The following TOP1MT variants were observed in gnomAD, a reference collection of about 807,000 sequenced individuals.
The protein encoded by TOP1MT is DNA topoisomerase I, mitochondrial.
A neutral mutation model predicts 73.9 loss-of-function variants in TOP1MT; 80 were observed. The ratio of observed to expected loss-of-function variants is 1.08; its 90% CI spans 0.90 to 1.30. TOP1MT has a LOEUF of 1.30. Among genes scored for constraint, TOP1MT ranks in the 50% most tolerant of loss-of-function variants. The pLI is 0.00. For missense variants in TOP1MT, 815 were observed against 808.0 expected (o/e 1.01, Z -0.10); for synonymous variants, 338 against 326.4 (o/e 1.04, Z -0.38).
intron 1 of TOP1MT, among the ~76,000 whole-genome samples, chr8:143,354,643 C>T (rs142147459): frequency 0.022 from 3,261 of 151,238 alleles, 126 homozygotes; most frequent in African/African-American, 0.076. Context: ...ACCTGGGAGG[C>T]GGAGGTTGCG....
At position 143,315,707 on chromosome 8, in the gene TOP1MT, C is replaced by T. The variant is rs1055154038; in HGVS notation, c.1553+20G>A. 6.2e-7 allele frequency: 1 copy of T among 1,609,718 alleles called. No individual in the cohort carries two copies. The highest frequency in any genetic ancestry group is 1.3e-5 in the African/African-American group (1 of 74,870). On this transcript the variant is annotated intron_variant, in intron 12 of 13. Coordinates refer to ENST00000329245, the MANE Select transcript of TOP1MT (RefSeq NM_052963.3). ...GGGACAGGGCCCCGGGAGAAGGCGT[C>T]TGAGGGCACGGGTACTCACCTCCTG...
At position 143,322,567 on chromosome 8, in the gene TOP1MT, A is replaced by ATG. The variant is rs1563759575; in HGVS notation, c.961-1182_961-1181insCA. On this transcript the variant is annotated intron_variant, in intron 7 of 13. Transcript: ENST00000329245. ...CCACACACACGCACGCCACACACAG[A>ATG]CACGCCACACACATGCACGCCACAC... 5.6e-3 allele frequency among the ~76,000 whole-genome samples: 611 copies of ATG among 108,430 alleles called. 19 individuals carry two copies. The highest frequency in any genetic ancestry group is 0.023 in the African/African-American group (587 of 26,022). The allele number at this position is 108,430 out of a possible 152,430, so 71.1% of individuals were successfully genotyped here. A position where few individuals can be genotyped will look rare whatever the true frequency, so the allele number is the denominator to read the frequency against.
At chr8:143,348,607 G>C (rs972582245), upstream of TOP1MT, among the ~76,000 whole-genome samples, 1 of 101,502 alleles carries the variant, frequency 9.9e-6, no homozygotes, top group Admixed American at 8.8e-5. This position sits in a 1 kb window ranked among gnomAD's most constrained non-coding sequence, Gnocchi z 4.6. Context: ...GCTGGGGGGT[G>C]GGGGGGGGTG....
At chr8:143,331,634 C>T (rs1035055545) in intron 1 of TOP1MT, 4 of 303,288 alleles carry the variant, frequency 1.3e-5, no homozygotes, top group African/African-American at 6.3e-5. Flanking sequence ...GGAAAGGCAA[C>T]GTGCCTCTCC....
At chr8:143,347,357 A>G (rs573476350), upstream of TOP1MT, among the ~76,000 whole-genome samples, 218 of 152,168 alleles carry the variant, frequency 1.4e-3, no homozygotes, top group Non-Finnish European at 1.7e-3. Context: ...GGGTTTCACC[A>G]TGTTAGCCAG....
rs1816341634 is a variant in TOP1MT at position 143,321,364 on chromosome 8, T to C, written c.983A>G (p.Glu328Gly). Residue 328 changes from glutamate (E) to glycine (G), a missense_variant, in exon 8 of 14, where the codon GAG (glutamate) becomes GGG (glycine). By Grantham distance (98) the Glu-to-Gly change is moderately conservative (BLOSUM62 -2). This residue lies in a region of TOP1MT where 751 missense variants were observed against 725.4 expected (regional missense o/e 1.04). Coordinates refer to ENST00000329245, the MANE Select transcript of TOP1MT (RefSeq NM_052963.3). Reference protein sequence around the residue: ...IDKLALRAGNEKEDGEAADTV... With the variant: ...IDKLALRAGNGKEDGEAADTV... ...GTCGGCCGCCTCACCGTCCTCCTTC[T>C]CATTTCCTGCTCTCAGTGCCAGCTA... 6.3e-7 allele frequency: 1 copy of C among 1,591,866 alleles called. No homozygotes were observed. The highest frequency in any genetic ancestry group is 1.1e-5 in the South Asian group (1 of 89,944).
At chr8:143,334,674 C>T in intron 1 of TOP1MT, 66 bp downstream of exon 1, 1 of 1,579,926 alleles carries the variant, frequency 6.3e-7, no homozygotes, top group South Asian at 1.1e-5. Flanking sequence ...CCTGCCACTC[C>T]CCTTTCTGGA....
At chr8:143,339,697 G>A (rs560174738), upstream of TOP1MT, among the ~76,000 whole-genome samples, 4 of 152,206 alleles carry the variant, frequency 2.6e-5, no homozygotes, top group African/African-American at 9.6e-5. Flanking sequence ...TCCCAGCACT[G>A]GTCTACACAG....
upstream of TOP1MT, among the ~76,000 whole-genome samples, chr8:143,339,544 C>T (rs922870938): frequency 6.6e-6 from 1 of 152,050 alleles, no homozygotes; most frequent in Non-Finnish European, 1.5e-5. Context: ...ACACAGCAAA[C>T]ACTCACTTAC....
At chr8:143,316,735 C>T (rs1396561990) in intron 10 of TOP1MT, among the ~76,000 whole-genome samples, 1 of 152,230 alleles carries the variant, frequency 6.6e-6, no homozygotes, top group Non-Finnish European at 1.5e-5. Flanking sequence ...GTTCAGAGAA[C>T]GTAAGCACTG....
chr8:143,310,446 C>T (rs1815981096), intron 12 of TOP1MT: 1 of 410,424 alleles, frequency 2.4e-6, no homozygotes, highest in East Asian at 3.7e-5. Context: ...GGGTGAGCAG[C>T]CCGTCAGGAC....
intron 10 of TOP1MT, 69 bp downstream of exon 10, chr8:143,317,654 C>A: frequency 8.5e-6 from 12 of 1,408,984 alleles, no homozygotes; most frequent in Admixed American, 3.7e-5. Context: ...CAAGGGCCAG[C>A]CGGGGAGCCC....
intron 1 of TOP1MT, chr8:143,355,234 G>C (rs1294601904): frequency 2.6e-5 from 4 of 152,208 alleles, no homozygotes; most frequent in Non-Finnish European, 5.9e-5. Flanking sequence ...GCATTAAACA[G>C]CTCCTGCGTT....
intron 13 of TOP1MT, 113 bp downstream of exon 13, chr8:143,309,955 C>T: frequency 6.3e-7 from 1 of 1,597,264 alleles, no homozygotes; most frequent in Non-Finnish European, 8.5e-7. Context: ...AGGGCCTGTG[C>T]TGACCCCAGG....
At chr8:143,356,357 CA>C (rs1817407333), upstream of TOP1MT, among the ~76,000 whole-genome samples, 1 of 152,248 alleles carries the variant, frequency 6.6e-6, no homozygotes. Flanking sequence ...ACACACGACC[CA>C]GGCAGCATGC....
At chr8:143,329,578 G>C in intron 2 of TOP1MT, 107 bp from the exon 3 acceptor site, 1 of 1,371,490 alleles carries the variant, frequency 7.3e-7, no homozygotes, top group South Asian at 1.3e-5. Context: ...ACTATGCCAA[G>C]AGCAAGAAGC....
chr8:143,332,080 G>A (rs1328854180), intron 1 of TOP1MT, among the ~76,000 whole-genome samples: 2 of 152,094 alleles, frequency 1.3e-5, no homozygotes, highest in Non-Finnish European at 1.5e-5. Flanking sequence ...GAGGGGGTGG[G>A]GGGACACAGC....
At chr8:143,316,347 C>T (rs933273229) in intron 10 of TOP1MT, among the ~76,000 whole-genome samples, 4 of 152,058 alleles carry the variant, frequency 2.6e-5, no homozygotes, top group Admixed American at 2.0e-4. Flanking sequence ...CACGTGGGGC[C>T]ACAGCACAGG....
chr8:143,338,080 G>A (rs1817013259), upstream of TOP1MT, among the ~76,000 whole-genome samples: 1 of 152,146 alleles, frequency 6.6e-6, no homozygotes, highest in South Asian at 2.1e-4. Context: ...GATGCTCCCA[G>A]CTGATTAAAA....
Sources: allele counts gnomAD v4.1 joint callset (sites outside exome capture counted in the v4.1 genomes callset), GRCh38; gene constraint gnomAD v4.1.1; regional missense constraint gnomAD v4.1.1; non-coding constraint Gnocchi (gnomAD v3.1); transcripts MANE v1.5; gene names NCBI Gene and HGNC (gene_info 2026-07-23, HGNC 2026-07-21).